TEX11: variants seen among roughly 807,000 people sequenced by gnomAD.
TEX11 encodes testis expressed 11.
In TEX11, 7 loss-of-function variants were observed where a neutral mutation model predicts 84.4. That is an observed-to-expected ratio of 0.08 (90% confidence interval 0.05 to 0.16). The LOEUF is 0.16. TEX11 is among the 10% of genes least tolerant of loss of function. TEX11 has a pLI of 1.00. For synonymous variants in TEX11, 264 were observed against 222.8 expected (o/e 1.18, Z -1.64); for missense variants, 551 against 660.5 (o/e 0.83, Z 1.82).
the TEX11 span, among the ~76,000 whole-genome samples, chrX:70,522,754 G>A: frequency 4.6e-5 from 5 of 108,952 alleles, no homozygotes; most frequent in South Asian, 2.1e-3. Flanking sequence ...TGTTGGTCAG[G>A]CTGGTCTTGA....
intron 9 of TEX11, among the ~76,000 whole-genome samples, chrX:70,753,958 G>A (rs190239456): frequency 8.3e-5 from 9 of 108,588 alleles, no homozygotes; most frequent in South Asian, 8.1e-4. Context: ...GTCCTACGTC[G>A]AGGACTTCGG....
chrX:70,824,368 T>C (rs184023328), intron 8 of TEX11, among the ~76,000 whole-genome samples: 155 of 112,160 alleles, frequency 1.4e-3, no homozygotes, highest in Non-Finnish European at 2.0e-3. Context: ...TCAATTTTGG[T>C]TTTTATTTCA....
intron 9 of TEX11, among the ~76,000 whole-genome samples, chrX:70,747,563 A>C (rs1224358607): frequency 8.9e-6 from 1 of 112,190 alleles, no homozygotes; most frequent in African/African-American, 3.2e-5. Flanking sequence ...CCTACACAGA[A>C]GAAAAAAAGC....
At chrX:70,894,089 G>C (rs1346223097) in intron 2 of TEX11, among the ~76,000 whole-genome samples, 1 of 110,838 alleles carries the variant, frequency 9.0e-6, no homozygotes, top group East Asian at 2.8e-4. Context: ...TAATAGCCTA[G>C]CAACCAAAAA....
At chrX:70,539,019 AATAT>A (rs971242983) in intron 28 of TEX11, among the ~76,000 whole-genome samples, 4 of 47,840 alleles carry the variant, frequency 8.4e-5, no homozygotes, top group African/African-American at 2.9e-4. Flanking sequence ...GACACTTGGA[AATAT>A]ATATATATAT....
chrX:70,531,795 T>A (rs996402365), intron 28 of TEX11, among the ~76,000 whole-genome samples: 9 of 111,965 alleles, frequency 8.0e-5, no homozygotes, highest in Non-Finnish European at 1.1e-4. Flanking sequence ...ATGTGAGTTT[T>A]ATGATATATG....
intron 9 of TEX11, among the ~76,000 whole-genome samples, chrX:70,760,274 A>C (rs994597713): frequency 8.9e-6 from 1 of 112,129 alleles, no homozygotes; most frequent in African/African-American, 3.2e-5. Context: ...TTTAAAGTTT[A>C]TATGGAACCA....
chrX:70,617,020 C>G (rs1188011279), intron 20 of TEX11, among the ~76,000 whole-genome samples: 1 of 111,186 alleles, frequency 9.0e-6, no homozygotes, highest in African/African-American at 3.3e-5. Flanking sequence ...TTAAAAACAA[C>G]TAAAAGTGTA....
intron 13 of TEX11, among the ~76,000 whole-genome samples, chrX:70,688,162 C>A (rs28881779): frequency 0.056 from 6,158 of 110,924 alleles, 355 homozygotes; most frequent in African/African-American, 0.16. Context: ...CATGATAAAT[C>A]CAAAGAAATT....
At chrX:70,739,068 T>G (rs2090716546) in intron 11 of TEX11, among the ~76,000 whole-genome samples, 1 of 111,554 alleles carries the variant, frequency 9.0e-6, no homozygotes, top group Admixed American at 9.5e-5. Context: ...TGTATACCTA[T>G]GTAACAAACC....
intron 13 of TEX11, among the ~76,000 whole-genome samples, chrX:70,690,878 A>T (rs2090229018): frequency 9.0e-6 from 1 of 111,600 alleles, no homozygotes; most frequent in Non-Finnish European, 1.9e-5. Context: ...CCAAGAAAAC[A>T]ATCAGCAAAA....
At chrX:70,715,193 C>G (rs762761274) in intron 13 of TEX11, among the ~76,000 whole-genome samples, 1 of 106,413 alleles carries the variant, frequency 9.4e-6, no homozygotes, top group Non-Finnish European at 1.9e-5. Flanking sequence ...CCTTTGTGGG[C>G]AACCCGACCT....
At chrX:70,650,959 C>T (rs993989272) in intron 17 of TEX11, among the ~76,000 whole-genome samples, 10 of 111,775 alleles carry the variant, frequency 8.9e-5, no homozygotes, top group African/African-American at 3.2e-4. Flanking sequence ...GGATGAGGGT[C>T]ATGTGTGAAA....
At position 70,906,392 on chromosome X, in the gene TEX11, TAA is replaced by T. The variant is rs746729705; in HGVS notation, c.37+1359_37+1360del. ...TACAAAGTCTCAAATATTATCAACT[TAA>T]GAGTCATAATCCCTATTCCATCTTT... On this transcript the variant is annotated intron_variant, in intron 2 of 29. Transcript: ENST00000374333. Among the ~76,000 whole-genome samples the T allele has an allele frequency of 1.3e-4, 14 of 108,878 alleles. No homozygotes were observed. In the East Asian group the frequency reaches 3.7e-3, roughly 29 times the overall value. The allele number at this position is 108,878 out of a possible 115,157, so 94.5% of individuals were successfully genotyped here. A position where few individuals can be genotyped will look rare whatever the true frequency, so the allele number is the denominator to read the frequency against.
At chrX:70,803,205 C>G (rs771450455) in intron 9 of TEX11, among the ~76,000 whole-genome samples, 31 of 112,068 alleles carry the variant, frequency 2.8e-4, no homozygotes, top group Non-Finnish European at 4.1e-4. Flanking sequence ...TTTCAAAAAT[C>G]TGAAATTTTG....
intron 15 of TEX11, 37 bp from the exon 16 acceptor site, chrX:70,670,551 G>C: frequency 8.6e-7 from 1 of 1,164,205 alleles, no homozygotes; most frequent in South Asian, 2.1e-5. Flanking sequence ...TCACAGCGAT[G>C]TCGCTACCCT....
At chrX:70,737,376 T>C (rs1369792356) in intron 11 of TEX11, among the ~76,000 whole-genome samples, 1 of 110,957 alleles carries the variant, frequency 9.0e-6, no homozygotes, top group Non-Finnish European at 1.9e-5. Flanking sequence ...GGCAGCCTAA[T>C]ACATGGTTAA....
In TEX11 at chrX:70,891,680, A is replaced by G. The variant is rs1337405833; in HGVS notation, c.38-11571T>C. 8.1e-5 allele frequency among the ~76,000 whole-genome samples: 9 copies of G among 111,353 alleles called. No homozygotes were observed. In the South Asian group the frequency reaches 3.0e-3, roughly 38 times the overall value. ...AAATAAAGCAAGAAAAAAAGGTTAGAGAAAAAAGAGTGAAAAGGAATGAAC... is the reference window on the plus strand; with the variant it reads ...AAATAAAGCAAGAAAAAAAGGTTAGGGAAAAAAGAGTGAAAAGGAATGAAC... On this transcript the variant is annotated intron_variant, in intron 2 of 29. Transcript: ENST00000374333.
intron 24 of TEX11, among the ~76,000 whole-genome samples, chrX:70,602,781 A>G (rs1274420703): frequency 1.6e-4 from 15 of 96,522 alleles, no homozygotes; most frequent in African/African-American, 5.7e-4. Context: ...TGCAGATGAC[A>G]TGATTGTATA....
Sources: gnomAD v4.1 joint callset for allele counts (sites outside exome capture counted in the v4.1 genomes callset) on GRCh38, gnomAD v4.1.1 for gene constraint, MANE v1.5 for transcripts, NCBI Gene and HGNC (gene_info 2026-07-23, HGNC 2026-07-21) for gene names.